Variants in VLDLR observed in about 807,000 individuals in gnomAD.
VLDLR encodes the protein very low density lipoprotein receptor.
A neutral mutation model predicts 112.7 loss-of-function variants in VLDLR; 81 were observed. That is an observed-to-expected ratio of 0.72 (90% CI 0.60 to 0.86). VLDLR has a LOEUF of 0.86. Ranked by LOEUF, VLDLR falls within the 40% of genes least tolerant of loss-of-function variation. The pLI is 0.00. For synonymous variants in VLDLR, 436 were observed against 384.8 expected (o/e 1.13, Z -1.56); for missense variants, 1,237 against 1,099.4 (o/e 1.13, Z -1.77).
chr9:2,641,070 T>C (rs1817799675), intron 3 of VLDLR, among the ~76,000 whole-genome samples: 1 of 152,178 alleles, frequency 6.6e-6, no homozygotes, highest in Non-Finnish European at 1.5e-5. Context: ...AATAGTGGTC[T>C]AGGAGCAGGC....
At chr9:2,628,586 T>C (rs1817201675) in intron 1 of VLDLR, among the ~76,000 whole-genome samples, 4 of 152,122 alleles carry the variant, frequency 2.6e-5, no homozygotes, top group Admixed American at 2.6e-4. Flanking sequence ...TTGCTTGATA[T>C]GGGTAGAGAA....
chr9:2,655,289 T>C lies in VLDLR; in HGVS notation c.*1421T>C, dbSNP rs1222578182. 6.6e-6 allele frequency: 1 copy of C among 152,100 alleles called. No individual in the cohort carries two copies. The highest frequency in any genetic ancestry group is 1.9e-4 in the East Asian group (1 of 5,202). 9.4% of individuals were successfully genotyped at this position (152,100 alleles called of 1,614,324 possible). A position where few individuals can be genotyped will look rare whatever the true frequency, so the allele number is the denominator to read the frequency against. On this transcript the variant is annotated 3_prime_UTR_variant, in exon 19 of 19. Transcript: ENST00000382100. ...GAGGAGTTTGAGACAAAGAAAAAAT[T>C]GTACAGGGAGTTTAGTGAATTTTCC...
In VLDLR at chr9:2,645,562, T is replaced by A; in HGVS notation, c.1313-12T>A. 1 of 1,614,158 alleles carries A rather than the reference T, an allele frequency of 6.2e-7. No homozygotes were observed. Among genetic ancestry groups the A allele is most frequent in the African/African-American group, 1.3e-5 (1 of 75,034 alleles). ...AAAGCAAAACTAAGTAACCCAGACTTCCATCTTGCAGGCAAAGAGCCAAGT... is the reference window on the plus strand; with the variant it reads ...AAAGCAAAACTAAGTAACCCAGACTACCATCTTGCAGGCAAAGAGCCAAGT... On this transcript the variant is annotated splice_polypyrimidine_tract_variant and intron_variant, in intron 9 of 18. Coordinates refer to ENST00000382100, the MANE Select transcript of VLDLR (RefSeq NM_003383.5).
chr9:2,650,348 T>A (rs1818265994), intron 14 of VLDLR, 22 bp from the exon 15 acceptor site: 2 of 1,613,828 alleles, frequency 1.2e-6, no homozygotes, highest in Non-Finnish European at 1.7e-6. Context: ...CCCATTTTAA[T>A]GGTATTTTTT....
intron 1 of VLDLR, among the ~76,000 whole-genome samples, chr9:2,626,348 GT>G (rs1817086335): frequency 6.6e-6 from 1 of 152,198 alleles, no homozygotes; most frequent in Non-Finnish European, 1.5e-5. Context: ...AACTTGTCAC[GT>G]GATGTCAGGT....
At chr9:2,652,542 G>A (rs1284338851) in intron 17 of VLDLR, among the ~76,000 whole-genome samples, 1 of 152,140 alleles carries the variant, frequency 6.6e-6, no homozygotes, top group Non-Finnish European at 1.5e-5. Flanking sequence ...TGGGACCGAG[G>A]ACCCTGCCCT....
chr9:2,635,718 T>C (rs1817574439), intron 2 of VLDLR, 146 bp downstream of exon 2: 2 of 1,290,316 alleles, frequency 1.6e-6, no homozygotes, highest in Admixed American at 2.0e-5. Context: ...GGAATAAAAT[T>C]GAATGTTTGA....
In VLDLR at chr9:2,622,088, C is replaced by T; in HGVS notation, c.-102C>T. 1.7e-6 allele frequency: 2 copies of T among 1,185,310 alleles called. No homozygotes were observed. Among genetic ancestry groups the T allele is most frequent in the Non-Finnish European group, 2.3e-6 (2 of 877,242 alleles). The allele number at this position is 1,185,310 out of a possible 1,614,324, so 73.4% of individuals were successfully genotyped here. Reference sequence around the variant, plus strand: ...TCCCCTCCTTCTCCCCCTTTCCCCTCCCCGCCCCCACCTTCTTCCTCCTTT... The same window carrying T: ...TCCCCTCCTTCTCCCCCTTTCCCCTTCCCGCCCCCACCTTCTTCCTCCTTT... On this transcript the variant is annotated 5_prime_UTR_variant, in exon 1 of 19. Transcript: ENST00000382100.
At chr9:2,624,106 T>TG in intron 1 of VLDLR, among the ~76,000 whole-genome samples, 1 of 152,216 alleles carries the variant, frequency 6.6e-6, no homozygotes, top group African/African-American at 2.4e-5. Flanking sequence ...GCACCTAAAC[T>TG]ACTGACATGA....
intron 1 of VLDLR, 42 bp downstream of exon 1, chr9:2,622,313 C>A: frequency 1.4e-6 from 2 of 1,421,962 alleles, no homozygotes; most frequent in Non-Finnish European, 9.2e-7. Context: ...CGGGACCCAG[C>A]CGGGGCACCG....
intron 4 of VLDLR, 24 bp downstream of exon 4, chr9:2,641,523 C>T (rs538935365): frequency 9.3e-6 from 15 of 1,613,690 alleles, no homozygotes; most frequent in East Asian, 6.7e-5. Flanking sequence ...TGTTGAGTGA[C>T]GTAACCCAAA....
At position 2,645,706 on chromosome 9, in the gene VLDLR, A is replaced by G; in HGVS notation, c.1445A>G (p.Lys482Arg). The change falls in exon 10 of 19, where the codon AAA becomes AGA. Residue 482 changes from lysine to arginine, a missense_variant. Lys to Arg is a conservative substitution (Grantham distance 26). Transcript: ENST00000382100. The part of the protein sequence containing the change: ...VALDADIAAQ[K>R]LFWADLSQKA... ...CTCGATGCTGACATTGCTGCCCAGA[A>G]ACTATTCTGGGCCGATCTAAGCCAA... 3.7e-6 allele frequency: 6 copies of G among 1,614,158 alleles called. No homozygotes were observed. The highest frequency in any genetic ancestry group is 5.1e-6 in the Non-Finnish European group (6 of 1,180,030).
intron 13 of VLDLR, 103 bp downstream of exon 13, chr9:2,648,450 C>A: frequency 6.4e-7 from 1 of 1,571,274 alleles, no homozygotes; most frequent in Non-Finnish European, 8.7e-7. Flanking sequence ...CTGAACATGG[C>A]TTGAGAAACT....
At chr9:2,633,772 G>A (rs1161187135) in intron 1 of VLDLR, among the ~76,000 whole-genome samples, 2 of 152,098 alleles carry the variant, frequency 1.3e-5, no homozygotes, top group Non-Finnish European at 2.9e-5. Flanking sequence ...CCCAAAGGTA[G>A]TAAGGTCATA....
intron 7 of VLDLR, among the ~76,000 whole-genome samples, chr9:2,644,433 T>C (rs1817976517): frequency 6.6e-6 from 1 of 150,444 alleles, no homozygotes; most frequent in African/African-American, 2.5e-5. Context: ...CCTTCCAAAG[T>C]GCTGGGATTA....
Position 2,655,728 on chromosome 9 carries a change from C to G in VLDLR, c.*1860C>G, listed in dbSNP as rs1818574894. The G allele has an allele frequency of 6.6e-6, 1 of 151,980 alleles. No individual in the cohort carries two copies. Among genetic ancestry groups the G allele is most frequent in the Non-Finnish European group, 1.5e-5 (1 of 68,026 alleles). The allele number at this position is 151,980 out of a possible 1,614,324, so 9.4% of individuals were successfully genotyped here. A position where few individuals can be genotyped will look rare whatever the true frequency, so the allele number is the denominator to read the frequency against. ...TTTTTTTCATGGGAGGTTTGGAGGT[C>G]AAGCATGTAGAAGGAAAAGGCTGTA... is the stretch of plus-strand genomic sequence containing the variant. On this transcript the variant is annotated 3_prime_UTR_variant, in exon 19 of 19. Transcript: ENST00000382100.
At chr9:2,630,129 TA>T (rs943984775) in intron 1 of VLDLR, among the ~76,000 whole-genome samples, 20 of 152,198 alleles carry the variant, frequency 1.3e-4, no homozygotes, top group Admixed American at 1.3e-4. Flanking sequence ...AGGCTGACTT[TA>T]AGGCCAGAGC....
chr9:2,649,520 T>C (rs1818224986), intron 14 of VLDLR, among the ~76,000 whole-genome samples: 1 of 152,136 alleles, frequency 6.6e-6, no homozygotes, highest in African/African-American at 2.4e-5. Flanking sequence ...GCCTCCCGAG[T>C]AGCTGGGACT....
chr9:2,651,596 C>G (rs761967651), intron 16 of VLDLR, 98 bp downstream of exon 16: 2 of 1,155,578 alleles, frequency 1.7e-6, no homozygotes. Context: ...ACTACTATTT[C>G]TGCCCCAATT....
Sources: gnomAD v4.1 joint callset for allele counts (sites outside exome capture counted in the v4.1 genomes callset) on GRCh38, gnomAD v4.1.1 for gene constraint, MANE v1.5 for transcripts, NCBI Gene and HGNC (gene_info 2026-07-23, HGNC 2026-07-21) for gene names.